The following CDH18 variants were observed in gnomAD, a reference collection of about 807,000 sequenced individuals.
The protein encoded by CDH18 is cadherin-18.
CDH18 carries 31 observed loss-of-function variants against 67.9 expected under a neutral mutation model. The ratio of observed to expected loss-of-function variants is 0.46; its 90% CI spans 0.34 to 0.62. The LOEUF (loss-of-function observed/expected upper bound fraction) is 0.62. Among genes scored for constraint, CDH18 ranks in the 20% least tolerant of loss-of-function variants. The pLI is 0.01. For synonymous variants in CDH18, 362 were observed against 347.2 expected, an observed-to-expected ratio of 1.04 and a Z score of -0.48; for missense variants, 890 against 975.5, an observed-to-expected ratio of 0.91 and a Z score of 1.17.
chr5:19,908,848 C>A (rs529482496), intron 2 of CDH18, among the ~76,000 whole-genome samples: 5 of 152,244 alleles, frequency 3.3e-5, no homozygotes. Flanking sequence ...CTGCAGGTTT[C>A]CCTAAATCCA....
intron 7 of CDH18, among the ~76,000 whole-genome samples, chr5:19,572,923 A>T (rs958663612): frequency 1.3e-5 from 2 of 152,118 alleles, no homozygotes; most frequent in African/African-American, 4.8e-5. Context: ...AATTTTTCTG[A>T]ATTGCCTTGG....
chr5:20,257,530 C>T (rs934715746), intron 1 of CDH18, among the ~76,000 whole-genome samples: 3 of 152,066 alleles, frequency 2.0e-5, no homozygotes, highest in East Asian at 1.9e-4. Flanking sequence ...TTCATAGAGC[C>T]CAATGCACAG....
intron 2 of CDH18, among the ~76,000 whole-genome samples, chr5:19,875,409 T>C (rs1441884599): frequency 6.8e-6 from 1 of 147,562 alleles, no homozygotes; most frequent in Non-Finnish European, 1.5e-5. Context: ...GATAGATAGA[T>C]AGATAGATAG....
intron 1 of CDH18, among the ~76,000 whole-genome samples, chr5:20,288,775 C>T (rs974866111): frequency 4.6e-5 from 7 of 151,720 alleles, no homozygotes; most frequent in Admixed American, 6.6e-5. Context: ...CACAGGCAGA[C>T]GGCATATCCC....
chr5:20,204,495 G>C (rs947942223), intron 2 of CDH18, among the ~76,000 whole-genome samples: 3 of 151,892 alleles, frequency 2.0e-5, no homozygotes, highest in Non-Finnish European at 4.4e-5. Context: ...AAATGTGAAA[G>C]GCAATTCTTG....
At chr5:20,232,114 GAA>G (rs1742125810) in intron 2 of CDH18, among the ~76,000 whole-genome samples, 2 of 151,770 alleles carry the variant, frequency 1.3e-5, no homozygotes, top group Admixed American at 1.3e-4. Flanking sequence ...TAAAATATTT[GAA>G]AGATTGTTTC....
At chr5:19,872,468 A>G (rs1311128221) in intron 2 of CDH18, among the ~76,000 whole-genome samples, 1 of 152,188 alleles carries the variant, frequency 6.6e-6, no homozygotes, top group African/African-American at 2.4e-5. Context: ...GCCTGGCTTA[A>G]TCATATGAAA....
Position 20,471,833 on chromosome 5 carries a change from TAAAAA to T in CDH18, c.-580+103624_-580+103628del, listed in dbSNP as rs70954659. Reference sequence around the variant, plus strand: ...CTGGGCAACAGATCGAGATTCAGTCTAAAAAAAAAAAAAAAAAAGCAAAAGCATTG... The same window carrying T: ...CTGGGCAACAGATCGAGATTCAGTCTAAAAAAAAAAAAAGCAAAAGCATTG... On this transcript the variant is annotated intron_variant, in intron 1 of 14. Coordinates refer to the CDH18 transcript ENST00000507958. Among the ~76,000 whole-genome samples, 22 of 51,500 alleles carry T rather than the reference TAAAAA, an allele frequency of 4.3e-4. 1 individual carries two copies. Among genetic ancestry groups the T allele is most frequent in the African/African-American group, 1.4e-3 (22 of 15,480 alleles). 33.8% of individuals were successfully genotyped at this position (51,500 alleles called of 152,430 possible). A position where few individuals can be genotyped will look rare whatever the true frequency, so the allele number is the denominator to read the frequency against.
chr5:19,596,537 CA>C (rs147097871), intron 6 of CDH18, among the ~76,000 whole-genome samples: 1,770 of 152,074 alleles, frequency 0.012, 32 homozygotes, highest in African/African-American at 0.041. Context: ...ACTAGAAAAC[CA>C]AAGATGTCTT....
chr5:20,553,386 T>C (rs896120316), intron 1 of CDH18, among the ~76,000 whole-genome samples: 1 of 152,192 alleles, frequency 6.6e-6, no homozygotes, highest in Admixed American at 6.6e-5. Flanking sequence ...GCATTAGCAC[T>C]CTTCTGTCCT....
chr5:19,747,629 T>C (rs1348776123), intron 3 of CDH18, among the ~76,000 whole-genome samples: 1 of 152,100 alleles, frequency 6.6e-6, no homozygotes, highest in Non-Finnish European at 1.5e-5. Flanking sequence ...TTATTTGACA[T>C]TCTATTTCAA....
intron 1 of CDH18, among the ~76,000 whole-genome samples, chr5:20,327,590 T>C (rs950540884): frequency 1.3e-5 from 2 of 152,008 alleles, no homozygotes; most frequent in South Asian, 4.1e-4. Context: ...TCTGAGAATA[T>C]AGCAGTGACC....
chr5:19,753,004 C>G (rs1454440631), intron 3 of CDH18, among the ~76,000 whole-genome samples: 1 of 152,200 alleles, frequency 6.6e-6, no homozygotes, highest in Middle Eastern at 3.4e-3. Flanking sequence ...GAAGGAAACA[C>G]CCCATGTGAA....
chr5:19,935,795 ACTCTCT>A (rs70954623), intron 2 of CDH18, among the ~76,000 whole-genome samples: 1,799 of 117,338 alleles, frequency 0.015, 55 homozygotes, highest in African/African-American at 0.051. Flanking sequence ...ACAGTCAGGA[ACTCTCT>A]CTCTCTCTCT....
chr5:20,540,843 C>T (rs187521163), intron 1 of CDH18, among the ~76,000 whole-genome samples: 209 of 152,320 alleles, frequency 1.4e-3, no homozygotes, highest in Middle Eastern at 3.4e-3. Flanking sequence ...CATATTAGGG[C>T]TGAAGACCTT....
chr5:19,600,238 T>C (rs1453112728), intron 6 of CDH18, among the ~76,000 whole-genome samples: 1 of 150,218 alleles, frequency 6.7e-6, no homozygotes, highest in Non-Finnish European at 1.5e-5. Flanking sequence ...CTAGGAGATA[T>C]ACCTAATGTA....
chr5:20,557,187 A>T (rs1338875016), intron 1 of CDH18, among the ~76,000 whole-genome samples: 1 of 152,128 alleles, frequency 6.6e-6, no homozygotes, highest in Non-Finnish European at 1.5e-5. Context: ...TCTTTTTCAC[A>T]TATATAATAA....
intron 8 of CDH18, among the ~76,000 whole-genome samples, chr5:19,559,745 T>C (rs1006754858): frequency 6.6e-6 from 1 of 152,016 alleles, no homozygotes; most frequent in Non-Finnish European, 1.5e-5. Flanking sequence ...GACATGATCC[T>C]ATACCTAGAA....
At chr5:19,490,954 C>T (rs908686176) in intron 11 of CDH18, among the ~76,000 whole-genome samples, 2 of 151,988 alleles carry the variant, frequency 1.3e-5, no homozygotes, top group African/African-American at 4.8e-5. Context: ...AGAACAAAAG[C>T]ATATCTTTCT....
Sources: gnomAD v4.1 joint callset for allele counts (sites outside exome capture counted in the v4.1 genomes callset) on GRCh38, gnomAD v4.1.1 for gene constraint, MANE v1.5 for transcripts, NCBI Gene and HGNC (gene_info 2026-07-23, HGNC 2026-07-21) for gene names.